The following ABCC1 variants were observed in gnomAD, a reference collection of about 807,000 sequenced individuals.
ABCC1 encodes multidrug resistance-associated protein 1.
In ABCC1, 83 loss-of-function variants were observed where a neutral mutation model predicts 172.9. The observed-to-expected ratio is 0.48, with a 90% CI of 0.40 to 0.58. The LOEUF (loss-of-function observed/expected upper bound fraction) is 0.58. ABCC1 is among the 20% of genes least tolerant of loss of function. The pLI is 0.00. For synonymous variants in ABCC1, 937 were observed against 825.2 expected (o/e 1.14, Z -2.32); for missense variants, 1,817 against 2,002.7 (o/e 0.91, Z 1.77).
At position 16,096,772 on chromosome 16, in the gene ABCC1, G is replaced by A. The variant is rs561599417; in HGVS notation, c.2645-5855G>A. ...AATAAACAGTGAGAGGACTGGCAAC[G>A]GAATACACAGACCCGGGGCAGCACT... On this transcript the variant is annotated intron_variant, in intron 19 of 30. Coordinates refer to ENST00000399410, the MANE Select transcript of ABCC1 (RefSeq NM_004996.4). Among the ~76,000 whole-genome samples the A allele has an allele frequency of 1.4e-3, 216 of 152,262 alleles. 1 individual carries two copies. Among genetic ancestry groups the A allele is most frequent in the African/African-American group, 4.9e-3 (205 of 41,554 alleles).
intron 11 of ABCC1, among the ~76,000 whole-genome samples, chr16:16,055,549 C>A (rs367665597): frequency 1.3e-4 from 19 of 142,690 alleles, no homozygotes; most frequent in African/African-American, 1.3e-4. Context: ...GACTCCGTCA[C>A]AAAAAAAAAA....
intron 16 of ABCC1, among the ~76,000 whole-genome samples, chr16:16,081,660 T>C (rs2050809651): frequency 6.6e-6 from 1 of 152,126 alleles, no homozygotes; most frequent in South Asian, 2.1e-4. Context: ...TATTTGAGAA[T>C]TTAGAGTAAG....
At chr16:16,140,090 TAAAG>T (rs1431049954) in intron 30 of ABCC1, among the ~76,000 whole-genome samples, 1 of 152,192 alleles carries the variant, frequency 6.6e-6, no homozygotes, top group African/African-American at 2.4e-5. Context: ...ACCTTGGATC[TAAAG>T]GAAGAACATT....
intron 14 of ABCC1, among the ~76,000 whole-genome samples, chr16:16,072,803 G>C (rs1008954344): frequency 4.6e-5 from 7 of 151,574 alleles, no homozygotes; most frequent in African/African-American, 1.7e-4. Flanking sequence ...GCACTTTGGG[G>C]AGCTGAGGCA....
chr16:16,053,962 T>A (rs2049539609), intron 11 of ABCC1, among the ~76,000 whole-genome samples: 1 of 151,410 alleles, frequency 6.6e-6, no homozygotes, highest in African/African-American at 2.4e-5. Context: ...TGGTTTGTTT[T>A]TATATATGTG....
intron 1 of ABCC1, among the ~76,000 whole-genome samples, chr16:15,994,907 C>T (rs982903070): frequency 6.6e-6 from 1 of 151,160 alleles, no homozygotes; most frequent in African/African-American, 2.4e-5. Flanking sequence ...GGGATTAGGG[C>T]AGATCATGAG....
chr16:16,104,186 G>T (rs45508496), intron 20 of ABCC1, among the ~76,000 whole-genome samples: 1 of 152,168 alleles, frequency 6.6e-6, no homozygotes. Flanking sequence ...CGCAAAGAGT[G>T]AAACAATAAA....
intron 29 of ABCC1, among the ~76,000 whole-genome samples, chr16:16,137,333 G>T (rs2045952758): frequency 1.3e-5 from 2 of 152,064 alleles, no homozygotes; most frequent in Non-Finnish European, 2.9e-5. Context: ...TATGTTCCGT[G>T]CATCCCTCAT....
rs766054868 is a variant in ABCC1 at position 15,999,836 on chromosome 16, C to CTT, written c.49-7979_49-7978insTT. The stretch of plus-strand genomic sequence containing the variant: ...TCTCTCTCTCTCTCTCTCTCTCTGT[C>CTT]TCTTTCTTTCTTTCTTTCTTTCTTT... On this transcript the variant is annotated intron_variant, in intron 1 of 30. Transcript: ENST00000399410. 2.9e-3 allele frequency among the ~76,000 whole-genome samples: 49 copies of CTT among 16,840 alleles called. 1 individual carries two copies. The highest frequency in any genetic ancestry group is 0.01 in the African/African-American group (47 of 4,690). The allele number at this position is 16,840 out of a possible 152,430, so 11.0% of individuals were successfully genotyped here.
intron 25 of ABCC1, among the ~76,000 whole-genome samples, chr16:16,125,329 G>C (rs907553968): frequency 6.6e-6 from 1 of 152,200 alleles, no homozygotes; most frequent in African/African-American, 2.4e-5. Flanking sequence ...GTGCTTAGGA[G>C]ATGGCAATGT....
chr16:15,987,591 C>T (rs1011304517), intron 1 of ABCC1, among the ~76,000 whole-genome samples: 1 of 152,170 alleles, frequency 6.6e-6, no homozygotes, highest in Non-Finnish European at 1.5e-5. Context: ...TTGTGAAAAC[C>T]CAGGATGTTT....
chr16:16,039,800 T>G (rs533420797), intron 7 of ABCC1, among the ~76,000 whole-genome samples: 1 of 152,068 alleles, frequency 6.6e-6, no homozygotes, highest in Non-Finnish European at 1.5e-5. Flanking sequence ...GGAGTGAGCC[T>G]TGTGTGTATC....
At chr16:15,993,771 G>A (rs2046958819) in intron 1 of ABCC1, among the ~76,000 whole-genome samples, 1 of 151,916 alleles carries the variant, frequency 6.6e-6, no homozygotes, top group South Asian at 2.1e-4. Context: ...TGGGTGGGAA[G>A]AGTTGTAGAA....
Position 15,982,590 on chromosome 16 carries a change from C to T in ABCC1, c.49-25226C>T, listed in dbSNP as rs1011693341. ...TGACATGTGAGGATTATGGGAACTG[C>T]AGTTCAAAATGAGATTTGGGTGGGG... On this transcript the variant is annotated intron_variant, in intron 1 of 30. Transcript: ENST00000399410. Among the ~76,000 whole-genome samples the T allele has an allele frequency of 2.0e-5, 3 of 149,162 alleles. No homozygotes were observed. The Admixed American group carries it at 2.0e-4, about 10-fold the overall frequency.
intron 5 of ABCC1, among the ~76,000 whole-genome samples, chr16:16,030,210 C>T (rs1425784742): frequency 6.6e-6 from 1 of 152,082 alleles, no homozygotes; most frequent in Non-Finnish European, 1.5e-5. Flanking sequence ...TTTCCAGCGT[C>T]AATATGAAAT....
intron 1 of ABCC1, among the ~76,000 whole-genome samples, chr16:15,973,648 A>G (rs527525663): frequency 6.6e-6 from 1 of 152,064 alleles, no homozygotes; most frequent in East Asian, 1.9e-4. Context: ...TCAAGATACT[A>G]TCAGATCTCC....
At chr16:15,958,927 G>A (rs2046066972) in intron 1 of ABCC1, among the ~76,000 whole-genome samples, 1 of 152,136 alleles carries the variant, frequency 6.6e-6, no homozygotes, top group Non-Finnish European at 1.5e-5. Flanking sequence ...CCCCAAACCT[G>A]GCCTCTACCC....
At chr16:16,087,609 C>G (rs571741171) in intron 18 of ABCC1, among the ~76,000 whole-genome samples, 1 of 152,180 alleles carries the variant, frequency 6.6e-6, no homozygotes, top group Non-Finnish European at 1.5e-5. Context: ...AGGTGCCCAC[C>G]ACCACGCCTG....
chr16:15,997,687 G>A (rs548982399), intron 1 of ABCC1, among the ~76,000 whole-genome samples: 24 of 151,868 alleles, frequency 1.6e-4, no homozygotes, highest in African/African-American at 3.4e-4. Context: ...ATTATTCACC[G>A]TTTTTCCCAG....
Sources: gnomAD v4.1 joint callset for allele counts (sites outside exome capture counted in the v4.1 genomes callset) on GRCh38, gnomAD v4.1.1 for gene constraint, MANE v1.5 for transcripts, NCBI Gene and HGNC (gene_info 2026-07-23, HGNC 2026-07-21) for gene names.